GDPD1: variants seen among roughly 807,000 people sequenced by gnomAD.
The protein encoded by GDPD1 is lysophospholipase D GDPD1.
In GDPD1, 28 loss-of-function variants were observed where a neutral mutation model predicts 45.1. The ratio of observed to expected loss-of-function variants is 0.62; its 90% CI spans 0.46 to 0.85. The LOEUF (loss-of-function observed/expected upper bound fraction) is 0.85. Ranked by LOEUF, GDPD1 falls within the 40% of genes least tolerant of loss-of-function variation. GDPD1 has a pLI of 0.00. For missense variants in GDPD1, 256 were observed against 364.8 expected (o/e 0.70, Z 2.43); for synonymous variants, 139 against 131.4 (o/e 1.06, Z -0.40).
At chr17:59,263,459 T>C (rs2047373641) in intron 6 of GDPD1, among the ~76,000 whole-genome samples, 1 of 149,488 alleles carries the variant, frequency 6.7e-6, no homozygotes, top group Non-Finnish European at 1.5e-5. Context: ...TTGATACAAC[T>C]TTTGCAATTC....
rs551328796 is a variant in GDPD1 at position 59,247,900 on chromosome 17, G to A, written c.322-840G>A. On this transcript the variant is annotated intron_variant, in intron 3 of 9. Transcript: ENST00000284116. Reference sequence around the variant, plus strand: ...CTGCCTCAGCCTCCCAAAGTGCTGGGATTATAGGGGTGAGCCACTGCACCC... The same window carrying A: ...CTGCCTCAGCCTCCCAAAGTGCTGGAATTATAGGGGTGAGCCACTGCACCC... Among the ~76,000 whole-genome samples, 18 of 152,204 alleles carry A rather than the reference G, an allele frequency of 1.2e-4. No individual in the cohort carries two copies. The South Asian group carries it at 3.5e-3, about 30-fold the overall frequency.
intron 6 of GDPD1, among the ~76,000 whole-genome samples, chr17:59,259,738 CAAA>C (rs1396798001): frequency 2.0e-5 from 2 of 102,258 alleles, no homozygotes; most frequent in Non-Finnish European, 4.1e-5. Flanking sequence ...GACTCCATCT[CAAA>C]AAAAAAAAAA....
At chr17:59,236,774 T>G (rs1223836348) in intron 2 of GDPD1, among the ~76,000 whole-genome samples, 1 of 152,012 alleles carries the variant, frequency 6.6e-6, no homozygotes, top group East Asian at 1.9e-4. Flanking sequence ...CCTCCCAAAG[T>G]GCTGGGATTA....
At chr17:59,239,104 T>C (rs1402065456) in intron 2 of GDPD1, among the ~76,000 whole-genome samples, 1 of 152,178 alleles carries the variant, frequency 6.6e-6, no homozygotes, top group Non-Finnish European at 1.5e-5. Flanking sequence ...GTATTAGCAA[T>C]AGCTAGAAGT....
Position 59,248,669 on chromosome 17 carries a change from C to G in GDPD1, c.322-71C>G. 2.8e-6 allele frequency: 3 copies of G among 1,079,132 alleles called. 1 individual carries two copies. The South Asian group carries it at 4.2e-5, about 15-fold the overall frequency. 66.8% of individuals were successfully genotyped at this position (1,079,132 alleles called of 1,614,324 possible). ...ATGTTAAAGAAGCATATCTTTGTGT[C>G]TTAATGTAACACATAAAAATCTTAT... On this transcript the variant is annotated intron_variant, in intron 3 of 9. Coordinates refer to ENST00000284116, the MANE Select transcript of GDPD1 (RefSeq NM_182569.4).
In GDPD1 at chr17:59,267,673, G is replaced by GT. The variant is rs777259266; in HGVS notation, c.710+512dup. ...GATACTGTTTTTATAGTGGTTTTTT[G>GT]TTTTTTTTTTTTTGAGATGGAGTTT... On this transcript the variant is annotated intron_variant, in intron 7 of 9. Transcript: ENST00000284116. 9.3e-3 allele frequency among the ~76,000 whole-genome samples: 1,307 copies of GT among 140,840 alleles called. 7 individuals carry two copies. Among genetic ancestry groups the GT allele is most frequent in the African/African-American group, 0.025 (981 of 38,892 alleles). 92.4% of individuals were successfully genotyped at this position (140,840 alleles called of 152,430 possible). A position where few individuals can be genotyped will look rare whatever the true frequency, so the allele number is the denominator to read the frequency against.
At chr17:59,269,478 C>CA (rs1299382136) in intron 7 of GDPD1, among the ~76,000 whole-genome samples, 2 of 136,148 alleles carry the variant, frequency 1.5e-5, no homozygotes, top group Admixed American at 7.2e-5. Context: ...CTTGTCTACC[C>CA]CCCCCCCCAA....
intron 4 of GDPD1, among the ~76,000 whole-genome samples, chr17:59,254,059 T>TAA (rs11284499): frequency 8.9e-5 from 11 of 123,338 alleles, no homozygotes; most frequent in Admixed American, 1.7e-4. Flanking sequence ...CATCTCTACT[T>TAA]AAAAAAAAAA....
rs1161389860 is a variant in GDPD1 at position 59,255,844 on chromosome 17, T to C, written c.368-1278T>C. ...ATATATATACGCGTATATATATATA[T>C]ATATATACACACGTATATATATATA... is the stretch of plus-strand genomic sequence containing the variant. On this transcript the variant is annotated intron_variant, in intron 4 of 9. Transcript: ENST00000284116. Among the ~76,000 whole-genome samples the C allele has an allele frequency of 7.8e-5, 7 of 90,258 alleles. 1 individual carries two copies. Among genetic ancestry groups the C allele is most frequent in the Admixed American group, 1.2e-4 (1 of 8,390 alleles). 59.2% of individuals were successfully genotyped at this position (90,258 alleles called of 152,430 possible). A position where few individuals can be genotyped will look rare whatever the true frequency, so the allele number is the denominator to read the frequency against.
chr17:59,265,893 C>T (rs147121782), intron 6 of GDPD1, among the ~76,000 whole-genome samples: 2,662 of 128,948 alleles, frequency 0.021, 96 homozygotes, highest in African/African-American at 0.078. Flanking sequence ...GACAGTGAGA[C>T]CTTATCTCAA....
chr17:59,269,190 G>C (rs1430673177), intron 7 of GDPD1, among the ~76,000 whole-genome samples: 1 of 151,818 alleles, frequency 6.6e-6, no homozygotes, highest in Non-Finnish European at 1.5e-5. Flanking sequence ...TCAGTTACTC[G>C]GGAGGCTGAG....
intron 8 of GDPD1, among the ~76,000 whole-genome samples, chr17:59,272,379 A>C (rs1032736490): frequency 5.9e-5 from 9 of 152,208 alleles, no homozygotes; most frequent in African/African-American, 2.2e-4. Flanking sequence ...ATGAACTATG[A>C]TGTTATAGAA....
chr17:59,255,897 A>G (rs1386190298), intron 4 of GDPD1, among the ~76,000 whole-genome samples: 1 of 143,242 alleles, frequency 7.0e-6, no homozygotes, highest in Non-Finnish European at 1.5e-5. Flanking sequence ...ACACACATAT[A>G]TATATATGGG....
intron 1 of GDPD1, among the ~76,000 whole-genome samples, chr17:59,232,477 A>G (rs886263633): frequency 6.6e-6 from 1 of 152,098 alleles, no homozygotes; most frequent in African/African-American, 2.4e-5. Flanking sequence ...TTGTCAGTAC[A>G]CTGAAAGAAA....
chr17:59,231,894 C>T (rs981673334), intron 1 of GDPD1, among the ~76,000 whole-genome samples: 15 of 152,026 alleles, frequency 9.9e-5, no homozygotes, highest in Non-Finnish European at 1.8e-4. Flanking sequence ...TCCCAAAATG[C>T]TAGGATTATA....
At chr17:59,236,847 A>G (rs2047135985) in intron 2 of GDPD1, among the ~76,000 whole-genome samples, 1 of 151,826 alleles carries the variant, frequency 6.6e-6, no homozygotes, top group South Asian at 2.1e-4. Context: ...AGATGTATTT[A>G]TTTGTAAGGC....
intron 1 of GDPD1, among the ~76,000 whole-genome samples, chr17:59,223,670 C>T (rs2147871222): frequency 6.6e-6 from 1 of 152,262 alleles, no homozygotes; most frequent in South Asian, 2.1e-4. Flanking sequence ...GATATGTGAC[C>T]ATTGAAACAT....
intron 4 of GDPD1, among the ~76,000 whole-genome samples, chr17:59,253,197 T>C (rs2047269567): frequency 6.6e-6 from 1 of 152,046 alleles, no homozygotes; most frequent in East Asian, 1.9e-4. Context: ...AACCAACACA[T>C]CCTATGGCAT....
In GDPD1 at chr17:59,255,830, C is replaced by T. The variant is rs368049713; in HGVS notation, c.368-1292C>T. Among the ~76,000 whole-genome samples, 101 of 32,630 alleles carry T rather than the reference C, an allele frequency of 3.1e-3. 5 individuals are homozygous for T. The highest frequency in any genetic ancestry group is 0.012 in the South Asian group (12 of 1,026). The allele number at this position is 32,630 out of a possible 152,430, so 21.4% of individuals were successfully genotyped here. ...ATATATACGCGTATATATATATACG[C>T]GTATATATATATATATATATACACA... On this transcript the variant is annotated intron_variant, in intron 4 of 9. Coordinates refer to ENST00000284116, the MANE Select transcript of GDPD1 (RefSeq NM_182569.4).
Sources: gnomAD v4.1 joint callset for allele counts (sites outside exome capture counted in the v4.1 genomes callset) on GRCh38, gnomAD v4.1.1 for gene constraint, MANE v1.5 for transcripts, NCBI Gene and HGNC (gene_info 2026-07-23, HGNC 2026-07-21) for gene names.